Variants in PHLPP2 observed in about 807,000 individuals in gnomAD.
The protein encoded by PHLPP2 is PH domain leucine-rich repeat-containing protein phosphatase 2.
A neutral mutation model predicts 124.9 loss-of-function variants in PHLPP2; 66 were observed. The observed-to-expected ratio is 0.53, with a 90% CI of 0.43 to 0.65. The LOEUF (loss-of-function observed/expected upper bound fraction) is 0.65. PHLPP2 is among the 30% of genes least tolerant of loss of function. PHLPP2 has a pLI of 0.00. For missense variants in PHLPP2, 1,685 were observed against 1,600.4 expected (o/e 1.05, Z -0.90); for synonymous variants, 681 against 624.7 (o/e 1.09, Z -1.34).
At chr16:71,688,512 A>T (rs764199233) in intron 4 of PHLPP2, among the ~76,000 whole-genome samples, 8 of 151,386 alleles carry the variant, frequency 5.3e-5, no homozygotes, top group Non-Finnish European at 1.2e-4. Context: ...TATTTTCAAG[A>T]CGTTTGCTCA....
At chr16:71,655,602 A>C (rs2044735628) in intron 16 of PHLPP2, among the ~76,000 whole-genome samples, 168 bp from the exon 17 acceptor site, 1 of 148,896 alleles carries the variant, frequency 6.7e-6, no homozygotes, top group African/African-American at 2.5e-5. Flanking sequence ...TCCCAGGTTC[A>C]CGCCATTCTC....
chr16:71,714,485 A>T, intron 2 of PHLPP2, 27 bp downstream of exon 2: 2 of 1,564,198 alleles, frequency 1.3e-6, no homozygotes, highest in Non-Finnish European at 1.7e-6. Context: ...TTACGGTAGA[A>T]TTAGAGTGGT....
intron 2 of PHLPP2, among the ~76,000 whole-genome samples, chr16:71,704,325 A>C (rs2045258022): frequency 1.3e-5 from 2 of 150,698 alleles, no homozygotes; most frequent in Admixed American, 6.6e-5. Flanking sequence ...AAAAAAAAAA[A>C]CTTAATAATT....
In PHLPP2 at chr16:71,655,250, C is replaced by G; in HGVS notation, c.2575G>C (p.Val859Leu). The stretch of plus-strand genomic sequence containing the variant: ...AACCCACCTGCTTACCTGTGAGATA[C>G]CAAGAAGGTGTTAGCCATGAAAACT... ...DTVFMANTFL[V>L]SHRKLGMAGQ... Residue 859 changes from valine (V) to leucine (L), a missense_variant, in exon 17 of 19, where the codon GTA becomes CTA. By Grantham distance (32) the Val-to-Leu change is conservative. Transcript: ENST00000568954. 1 of 1,610,114 alleles carries G rather than the reference C, an allele frequency of 6.2e-7. No homozygotes were observed. The highest frequency in any genetic ancestry group is 1.7e-5 in the Admixed American group (1 of 59,968).
At chr16:71,710,480 A>C (rs1409669623) in intron 2 of PHLPP2, among the ~76,000 whole-genome samples, 1 of 152,252 alleles carries the variant, frequency 6.6e-6, no homozygotes, top group Non-Finnish European at 1.5e-5. Flanking sequence ...GGAAATCAGC[A>C]ATGTGACAAT....
At chr16:71,698,523 C>A in intron 3 of PHLPP2, 2 of 711,474 alleles carry the variant, frequency 2.8e-6, no homozygotes, top group African/African-American at 1.7e-5. Flanking sequence ...GGAGCCTAGA[C>A]TGGGGATAGC....
At chr16:71,662,997 T>A (rs1422465638) in intron 13 of PHLPP2, among the ~76,000 whole-genome samples, 1 of 152,224 alleles carries the variant, frequency 6.6e-6, no homozygotes, top group African/African-American at 2.4e-5. Flanking sequence ...CCTGGCTAAC[T>A]ACTATTCATC....
chr16:71,718,484 G>A (rs1302307249), intron 1 of PHLPP2, among the ~76,000 whole-genome samples: 1 of 151,632 alleles, frequency 6.6e-6, no homozygotes, highest in Non-Finnish European at 1.5e-5. Context: ...GGAGGCTGAG[G>A]CAAGGAAATC....
intron 13 of PHLPP2, 93 bp from the exon 14 acceptor site, chr16:71,658,908 C>T (rs1470253718): frequency 3.7e-6 from 4 of 1,075,458 alleles, no homozygotes; most frequent in Admixed American, 2.1e-5. Flanking sequence ...TACAGAAGGC[C>T]GACACGGTCC....
Position 71,678,742 on chromosome 16 carries a change from A to AG in PHLPP2, c.1268+12dup. 7.4e-7 allele frequency: 1 copy of AG among 1,346,470 alleles called. No homozygotes were observed. The highest frequency in any genetic ancestry group is 1.1e-6 in the Non-Finnish European group (1 of 936,160). 83.4% of individuals were successfully genotyped at this position (1,346,470 alleles called of 1,614,324 possible). A position where few individuals can be genotyped will look rare whatever the true frequency, so the allele number is the denominator to read the frequency against. On this transcript the variant is annotated intron_variant, in intron 8 of 18. Coordinates refer to ENST00000568954, the MANE Select transcript of PHLPP2 (RefSeq NM_015020.3). ...GTCAATTTAAAGGAAGGTGTGGTAA[A>AG]GAATAACCTTACCTTAAATCCACAT...
At chr16:71,656,816 C>T in intron 15 of PHLPP2, 135 bp from the exon 16 acceptor site, 2 of 548,324 alleles carry the variant, frequency 3.6e-6, no homozygotes, top group South Asian at 2.1e-5. Flanking sequence ...AGTGGTGTGA[C>T]CTCAGCTCAC....
intron 4 of PHLPP2, among the ~76,000 whole-genome samples, chr16:71,688,871 G>A (rs2045079475): frequency 6.6e-6 from 1 of 152,122 alleles, no homozygotes; most frequent in Non-Finnish European, 1.5e-5. Flanking sequence ...CATTAAACTA[G>A]TAGGGATTTC....
chr16:71,670,520 A>G (rs889697664), intron 10 of PHLPP2, among the ~76,000 whole-genome samples: 2 of 152,216 alleles, frequency 1.3e-5, no homozygotes, highest in African/African-American at 4.8e-5. Flanking sequence ...TAGAGGGATA[A>G]GCAGATGGGG....
In PHLPP2 at chr16:71,649,124, C is replaced by T; in HGVS notation, c.3738G>A (p.Val1246=). 2.5e-6 allele frequency: 4 copies of T among 1,613,978 alleles called. No individual in the cohort carries two copies. Among genetic ancestry groups the T allele is most frequent in the Non-Finnish European group, 3.4e-6 (4 of 1,179,854 alleles). ...TGAGGTTCAGGCTGTCCTCTAGGGG[C>T]ACAATAGAGCCATTGGAGAGTTTCT... is the stretch of plus-strand genomic sequence containing the variant. ...YGKKLSNGSI[V]PLEDSLNLIE... Residue 1246 remains valine (V), a synonymous_variant, in exon 19 of 19, where the codon GTG becomes GTA. Coordinates refer to ENST00000568954, the MANE Select transcript of PHLPP2 (RefSeq NM_015020.3).
At chr16:71,719,964 A>ATTTTTTTTTTTTTCTTTTTTTTT (rs2045387653) in intron 1 of PHLPP2, among the ~76,000 whole-genome samples, 1 of 53,246 alleles carries the variant, frequency 1.9e-5, no homozygotes, top group Non-Finnish European at 3.1e-5. Context: ...TGCCCAGCTA[A>ATTTTTTTTTTTTTCTTTTTTTTT]TTTTTTTTTT....
In PHLPP2 at chr16:71,678,735, G is replaced by A. The variant is rs192639767; in HGVS notation, c.1268+20C>T. 6.9e-5 allele frequency: 82 copies of A among 1,196,256 alleles called. No homozygotes were observed. The Admixed American group carries it at 1.1e-3, about 16-fold the overall frequency. The allele number at this position is 1,196,256 out of a possible 1,614,324, so 74.1% of individuals were successfully genotyped here. A position where few individuals can be genotyped will look rare whatever the true frequency, so the allele number is the denominator to read the frequency against. On this transcript the variant is annotated intron_variant, in intron 8 of 18. Transcript: ENST00000568954. Reference sequence around the variant, plus strand: ...CACCAGAGTCAATTTAAAGGAAGGTGTGGTAAAGAATAACCTTACCTTAAA... The same window carrying A: ...CACCAGAGTCAATTTAAAGGAAGGTATGGTAAAGAATAACCTTACCTTAAA...
intron 2 of PHLPP2, among the ~76,000 whole-genome samples, chr16:71,705,788 G>T (rs1191590993): frequency 6.6e-6 from 1 of 152,184 alleles, no homozygotes; most frequent in Non-Finnish European, 1.5e-5. Flanking sequence ...GGGATTACAG[G>T]CATGAGCCAC....
At position 71,653,035 on chromosome 16, in the gene PHLPP2, A is replaced by G; in HGVS notation, c.2586-14T>C. On this transcript the variant is annotated splice_polypyrimidine_tract_variant and intron_variant, in intron 17 of 18. Coordinates refer to ENST00000568954, the MANE Select transcript of PHLPP2 (RefSeq NM_015020.3). ...ATTCCTAATTTCCTGTTCAGAAAGA[A>G]AAGGAAAAGAAGACGTGGTGGCTAG... 1 of 1,578,800 alleles carries G rather than the reference A, an allele frequency of 6.3e-7. No individual in the cohort carries two copies. Among genetic ancestry groups the G allele is most frequent in the East Asian group, 2.2e-5 (1 of 44,664 alleles).
In PHLPP2 at chr16:71,664,106, G is replaced by A; in HGVS notation, c.1785-7C>T. 3 of 1,593,822 alleles carry A rather than the reference G, an allele frequency of 1.9e-6. No individual in the cohort carries two copies. The South Asian group carries it at 3.3e-5, about 18-fold the overall frequency. Reference sequence around the variant, plus strand: ...TGCATTCAAGTATCTGAGACTGACAGAACACACACAGATCATCACCTCCTT... The same window carrying A: ...TGCATTCAAGTATCTGAGACTGACAAAACACACACAGATCATCACCTCCTT... On this transcript the variant is annotated splice_region_variant and splice_polypyrimidine_tract_variant and intron_variant, in intron 12 of 18. Transcript: ENST00000568954.
Sources: allele counts gnomAD v4.1 joint callset (sites outside exome capture counted in the v4.1 genomes callset), GRCh38; gene constraint gnomAD v4.1.1; transcripts MANE v1.5; gene names NCBI Gene and HGNC (gene_info 2026-07-23, HGNC 2026-07-21).